PMP2: variants seen among roughly 807,000 people sequenced by gnomAD.
PMP2 encodes myelin P2 protein.
PMP2 carries 11 observed loss-of-function variants against 15.9 expected under a neutral mutation model. The ratio of observed to expected loss-of-function variants is 0.69; its 90% CI spans 0.44 to 1.14. The LOEUF (loss-of-function observed/expected upper bound fraction) is 1.14, where lower values mean the gene tolerates loss of function less well. Ranked by LOEUF, PMP2 falls within the 50% of genes most tolerant of loss-of-function variation. The probability of loss-of-function intolerance (pLI) is 0.00; values close to 1 mark genes in which losing one functional copy is unlikely to be tolerated. For missense variants in PMP2, 151 were observed against 154.0 expected, an observed-to-expected ratio of 0.98 and a Z score of 0.10; for synonymous variants, 55 against 54.1, an observed-to-expected ratio of 1.02 and a Z score of -0.07.
rs1419922852 is a variant in PMP2, at chr8:81,441,160, T to A, written c.*2238A>T. On this transcript the variant is annotated 3_prime_UTR_variant, in exon 4 of 4. Transcript: ENST00000256103. ...CTGGTTGTTGTTGTTACAGTGATGT[T>A]GTTTCCTTCTCAGTGGGTCACATTT... 2.0e-5 allele frequency: 3 copies of A among 152,194 alleles called. No individual in the cohort carries two copies. Among genetic ancestry groups the A allele is most frequent in the Non-Finnish European group, 4.4e-5 (3 of 68,020 alleles). 9.4% of individuals were successfully genotyped at this position (152,194 alleles called of 1,614,324 possible).
intron 1 of PMP2, among the ~76,000 whole-genome samples, chr8:81,446,274 A>G (rs1585798025): frequency 6.6e-6 from 1 of 152,316 alleles, no homozygotes; most frequent in East Asian, 1.9e-4. Context: ...GTTATTTTGC[A>G]TGCTAAACTG....
Position 81,444,962 on chromosome 8 carries a change from C to T in PMP2, c.101G>A (p.Gly34Glu). ...GATCACAGTGGGTTTGGCCAAATTT[C>T]CCAGTTTTCTGGTGGCTAACCCCAC... ...LGVGLATRKL[G>E]NLAKPTVIIS... The change falls in exon 2 of 4, where the codon GGA becomes GAA. Residue 34 changes from glycine (G) to glutamate (E), a missense_variant. Coordinates refer to ENST00000256103, the MANE Select transcript of PMP2 (RefSeq NM_002677.5). 3.7e-6 allele frequency: 6 copies of T among 1,613,626 alleles called. 1 individual carries two copies. The highest frequency in any genetic ancestry group is 3.3e-5 in the South Asian group (3 of 91,008).
Position 81,441,199 on chromosome 8 carries a change from G to A in PMP2, c.*2199C>T, listed in dbSNP as rs906017589. On this transcript the variant is annotated 3_prime_UTR_variant, in exon 4 of 4. Coordinates refer to ENST00000256103, the MANE Select transcript of PMP2 (RefSeq NM_002677.5). ...TGGGTCACATTTGAAGGCACATGTT[G>A]AACATCCACCCTTTATTGGTGAGGT... The A allele has an allele frequency of 6.6e-6, 1 of 151,080 alleles. No homozygotes were observed. The highest frequency in any genetic ancestry group is 1.5e-5 in the Non-Finnish European group (1 of 67,820). 9.4% of individuals were successfully genotyped at this position (151,080 alleles called of 1,614,324 possible).
At position 81,444,522 on chromosome 8, in the gene PMP2, A is replaced by T; in HGVS notation, c.326T>A (p.Leu109Gln). The change falls in exon 3 of 4, where the codon CTA (leucine) becomes CAA (glutamine). Residue 109 changes from leucine to glutamine, a missense_variant. Transcript: ENST00000256103. ...DGKETTIKRKLVNGKMVAECK... is the reference protein window; with the variant it reads ...DGKETTIKRKQVNGKMVAECK... ...TACCGCTACCATTTTCCCATTCACTAGCTTTCTCTTTATGGTTGTCTCTTT... is the reference window on the plus strand; with the variant it reads ...TACCGCTACCATTTTCCCATTCACTTGCTTTCTCTTTATGGTTGTCTCTTT... 1.2e-6 allele frequency: 2 copies of T among 1,612,176 alleles called. No homozygotes were observed. The highest frequency in any genetic ancestry group is 1.7e-6 in the Non-Finnish European group (2 of 1,178,416).
intron 1 of PMP2, among the ~76,000 whole-genome samples, chr8:81,447,051 C>G (rs141937818): frequency 6.0e-4 from 92 of 152,308 alleles, no homozygotes; most frequent in African/African-American, 2.0e-3. Context: ...CCAAAATTCT[C>G]TTGGTATGAA....
chr8:81,447,411 G>C lies in PMP2; in HGVS notation c.-25C>G. ...TCGTGATGGGTGAGAGCTCAACACA[G>C]TTCTAAGTGGGATTCAGAAGACTCA... On this transcript the variant is annotated 5_prime_UTR_variant, in exon 1 of 4. Coordinates refer to ENST00000256103, the MANE Select transcript of PMP2 (RefSeq NM_002677.5). 6.3e-7 allele frequency: 1 copy of C among 1,582,090 alleles called. No individual in the cohort carries two copies. Among genetic ancestry groups the C allele is most frequent in the Non-Finnish European group, 8.7e-7 (1 of 1,150,894 alleles).
chr8:81,447,321 T>G lies in PMP2; in HGVS notation c.66A>C (p.Lys22Asn). 1.2e-6 allele frequency: 2 copies of G among 1,613,064 alleles called. No homozygotes were observed. Among genetic ancestry groups the G allele is most frequent in the Non-Finnish European group, 1.7e-6 (2 of 1,179,008 alleles). Residue 22 changes from lysine to asparagine, a missense_variant, in exon 1 of 4, where the codon AAA (lysine) becomes AAC (asparagine). Physicochemically the swap from Lys to Asn is moderately conservative, Grantham distance 94. Transcript: ENST00000256103. ...ACAAAAAGCATTTCTTACCCAGAGC[T>G]TTCATGTAATCGTCAAAGTTCTCAC... ...VSSENFDDYMKALGVGLATRK... is the reference protein window; with the variant it reads ...VSSENFDDYMNALGVGLATRK...
chr8:81,447,194 G>T, intron 1 of PMP2, 120 bp downstream of exon 1: 1 of 661,584 alleles, frequency 1.5e-6, no homozygotes, highest in Non-Finnish European at 2.8e-6. Context: ...AATCCTAAAA[G>T]AGGATTGTAC....
In PMP2 at chr8:81,442,203, A is replaced by G. The variant is rs1807362986; in HGVS notation, c.*1195T>C. ...GCCTTCCCTCATTTCATATTTGTAT[A>G]TTTGTTTTTCCATAGTGAACATCCT... On this transcript the variant is annotated 3_prime_UTR_variant, in exon 4 of 4. Coordinates refer to ENST00000256103, the MANE Select transcript of PMP2 (RefSeq NM_002677.5). 6.6e-6 allele frequency: 1 copy of G among 152,204 alleles called. No individual in the cohort carries two copies. Among genetic ancestry groups the G allele is most frequent in the Admixed American group, 6.6e-5 (1 of 15,238 alleles). 9.4% of individuals were successfully genotyped at this position (152,204 alleles called of 1,614,324 possible).
In PMP2 at chr8:81,440,427, A is replaced by G. The variant is rs933771095; in HGVS notation, c.*2971T>C. 2 of 152,222 alleles carry G rather than the reference A, an allele frequency of 1.3e-5. No individual in the cohort carries two copies. The highest frequency in any genetic ancestry group is 2.4e-5 in the African/African-American group (1 of 41,468). 9.4% of individuals were successfully genotyped at this position (152,222 alleles called of 1,614,324 possible). ...ATAACAACGCAGTTTTTAAACTCGT[A>G]TTTTGTGAGTTGGAGCCTGGCAACA... On this transcript the variant is annotated 3_prime_UTR_variant, in exon 4 of 4. Transcript: ENST00000256103.
At position 81,444,800 on chromosome 8, in the gene PMP2, GA is replaced by G; in HGVS notation, c.246+16del. On this transcript the variant is annotated intron_variant, in intron 2 of 3. Transcript: ENST00000256103. ...CAGCCCACTGGGCCAACTTTGAAGA[GA>G]AACATTAAAGATTACCTTGGTCTTT... is the stretch of plus-strand genomic sequence containing the variant. 1 of 1,610,562 alleles carries G rather than the reference GA, an allele frequency of 6.2e-7. No homozygotes were observed. The highest frequency in any genetic ancestry group is 8.5e-7 in the Non-Finnish European group (1 of 1,178,722).
chr8:81,447,419 T>C lies in PMP2; in HGVS notation c.-33A>G. On this transcript the variant is annotated 5_prime_UTR_variant, in exon 1 of 4. Transcript: ENST00000256103. ...GGTGAGAGCTCAACACAGTTCTAAG[T>C]GGGATTCAGAAGACTCAGATAAAAT... 1.3e-6 allele frequency: 2 copies of C among 1,566,734 alleles called. No individual in the cohort carries two copies. The highest frequency in any genetic ancestry group is 1.8e-6 in the Non-Finnish European group (2 of 1,137,020).
intron 1 of PMP2, among the ~76,000 whole-genome samples, 194 bp downstream of exon 1, chr8:81,447,120 A>G (rs1465950013): frequency 6.6e-6 from 1 of 152,180 alleles, no homozygotes; most frequent in Non-Finnish European, 1.5e-5. Context: ...ATTTAAGTTA[A>G]TTCTATTAAA....
rs1033929963 is a variant in PMP2 at position 81,442,163 on chromosome 8, A to C, written c.*1235T>G. 1 of 152,160 alleles carries C rather than the reference A, an allele frequency of 6.6e-6. No individual in the cohort carries two copies. The highest frequency in any genetic ancestry group is 1.5e-5 in the Non-Finnish European group (1 of 67,962). 9.4% of individuals were successfully genotyped at this position (152,160 alleles called of 1,614,324 possible). A position where few individuals can be genotyped will look rare whatever the true frequency, so the allele number is the denominator to read the frequency against. On this transcript the variant is annotated 3_prime_UTR_variant, in exon 4 of 4. Coordinates refer to ENST00000256103, the MANE Select transcript of PMP2 (RefSeq NM_002677.5). ...TTTATACCAATTCTATTCCATTTCC[A>C]CATGGTTCTTTCTTGCCTTCCCTCA...
intron 1 of PMP2, among the ~76,000 whole-genome samples, chr8:81,446,115 A>G (rs934474237): frequency 6.6e-6 from 1 of 152,232 alleles, no homozygotes; most frequent in Non-Finnish European, 1.5e-5. Flanking sequence ...AGAAGTTAAG[A>G]GTTACAGCCA....
Position 81,443,295 on chromosome 8 carries a change from A to T in PMP2, c.*103T>A. ...CTTTGCATATCTGATATATTAAGAC[A>T]AAAGCAAAAACAAATATTTGCAGTG... On this transcript the variant is annotated 3_prime_UTR_variant, in exon 4 of 4. Transcript: ENST00000256103. 1.3e-6 allele frequency: 1 copy of T among 777,414 alleles called. No individual in the cohort carries two copies. Among genetic ancestry groups the T allele is most frequent in the Admixed American group, 2.4e-5 (1 of 42,354 alleles). 48.2% of individuals were successfully genotyped at this position (777,414 alleles called of 1,614,324 possible). A position where few individuals can be genotyped will look rare whatever the true frequency, so the allele number is the denominator to read the frequency against.
intron 2 of PMP2, 74 bp from the exon 3 acceptor site, chr8:81,444,675 C>A: frequency 7.1e-7 from 1 of 1,401,168 alleles, no homozygotes; most frequent in Non-Finnish European, 1.0e-6. Context: ...CAGTATGGAA[C>A]CATTTTCATA....
In PMP2 at chr8:81,447,304, C is replaced by A; in HGVS notation, c.73+10G>T. The stretch of plus-strand genomic sequence containing the variant: ...AGCTTTTCAGCAGAACAACAAAAAG[C>A]ATTTCTTACCCAGAGCTTTCATGTA... On this transcript the variant is annotated intron_variant, in intron 1 of 3. Coordinates refer to ENST00000256103, the MANE Select transcript of PMP2 (RefSeq NM_002677.5). 1 of 1,606,598 alleles carries A rather than the reference C, an allele frequency of 6.2e-7. No homozygotes were observed. The highest frequency in any genetic ancestry group is 8.5e-7 in the Non-Finnish European group (1 of 1,173,142).
In PMP2 at chr8:81,442,705, G is replaced by A. The variant is rs975522845; in HGVS notation, c.*693C>T. The A allele has an allele frequency of 6.6e-6, 1 of 151,976 alleles. No individual in the cohort carries two copies. The highest frequency in any genetic ancestry group is 6.6e-5 in the Admixed American group (1 of 15,258). 9.4% of individuals were successfully genotyped at this position (151,976 alleles called of 1,614,324 possible). ...CCAAACCACTACTTGCTTTTGGTAG[G>A]GGTGGAACAGAAAAGGACACTGATT... On this transcript the variant is annotated 3_prime_UTR_variant, in exon 4 of 4. Coordinates refer to ENST00000256103, the MANE Select transcript of PMP2 (RefSeq NM_002677.5).
Sources: allele counts gnomAD v4.1 joint callset (sites outside exome capture counted in the v4.1 genomes callset), GRCh38; gene constraint gnomAD v4.1.1; transcripts MANE v1.5; gene names NCBI Gene and HGNC (gene_info 2026-07-23, HGNC 2026-07-21).